Variants in ENTREP2 observed in about 807,000 individuals in gnomAD.
ENTREP2 encodes the protein protein ENTREP2.
chr15:29,455,599 C>A, the ENTREP2 span, among the ~76,000 whole-genome samples: 1 of 152,236 alleles, frequency 6.6e-6, no homozygotes, highest in Non-Finnish European at 1.5e-5. Flanking sequence ...GTTCTCCCTT[C>A]TCCATAAAAC....
chr15:29,218,370 T>C, the ENTREP2 span, among the ~76,000 whole-genome samples: 1 of 152,122 alleles, frequency 6.6e-6, no homozygotes, highest in Admixed American at 6.6e-5. Flanking sequence ...GAATCAATAT[T>C]GTGAAAACGA....
chr15:29,263,670 A>G, the ENTREP2 span, among the ~76,000 whole-genome samples: 1 of 152,238 alleles, frequency 6.6e-6, no homozygotes, highest in African/African-American at 2.4e-5. Context: ...GTAATCTCAT[A>G]GTCTTCAGTG....
At chr15:29,649,500 C>A in the ENTREP2 span, among the ~76,000 whole-genome samples, 2 of 152,030 alleles carry the variant, frequency 1.3e-5, no homozygotes, top group Admixed American at 1.3e-4. Context: ...GTGGGTAGAT[C>A]ACCTGAGGTC....
At chr15:29,168,779 C>G in the ENTREP2 span, among the ~76,000 whole-genome samples, 2 of 152,186 alleles carry the variant, frequency 1.3e-5, no homozygotes, top group Admixed American at 1.3e-4. Context: ...GATTGCTCCC[C>G]ACATGGTGCC....
At chr15:29,600,127 T>C in the ENTREP2 span, among the ~76,000 whole-genome samples, 3 of 152,214 alleles carry the variant, frequency 2.0e-5, no homozygotes, top group African/African-American at 7.2e-5. Flanking sequence ...ATTCAGTTTG[T>C]TGAGCCAAAT....
the ENTREP2 span, among the ~76,000 whole-genome samples, chr15:29,207,357 A>T: frequency 0.39 from 58,036 of 149,726 alleles, 11,447 homozygotes; most frequent in East Asian, 0.58. Context: ...TAAAGATTGC[A>T]CGAACCCAAA....
the ENTREP2 span, among the ~76,000 whole-genome samples, chr15:29,206,107 GTGGCT>G: frequency 2.0e-5 from 3 of 152,166 alleles, no homozygotes; most frequent in East Asian, 5.8e-4. Context: ...CACAGACGGG[GTGGCT>G]TATAAACAGT....
the ENTREP2 span, among the ~76,000 whole-genome samples, chr15:29,305,472 G>T: frequency 5.7e-3 from 866 of 152,308 alleles, 23 homozygotes; most frequent in Admixed American, 0.04. Flanking sequence ...AGATTAAAGT[G>T]GTTCAGACCA....
the ENTREP2 span, among the ~76,000 whole-genome samples, chr15:29,352,674 C>G: frequency 1.5e-4 from 23 of 152,250 alleles, no homozygotes; most frequent in African/African-American, 5.5e-4. Context: ...ATCCCCACAC[C>G]CTGGCTGCCG....
chr15:29,489,436 G>T, the ENTREP2 span, among the ~76,000 whole-genome samples: 3 of 152,142 alleles, frequency 2.0e-5, no homozygotes, highest in Non-Finnish European at 2.9e-5. Context: ...ATGGTGGGGT[G>T]ATCTTTATCA....
the ENTREP2 span, among the ~76,000 whole-genome samples, chr15:29,295,785 G>A: frequency 6.6e-6 from 1 of 152,144 alleles, no homozygotes; most frequent in South Asian, 2.1e-4. Flanking sequence ...GCTGGACAAA[G>A]GGATGAAGAA....
the ENTREP2 span, among the ~76,000 whole-genome samples, chr15:29,635,397 A>G: frequency 5.9e-5 from 9 of 152,126 alleles, no homozygotes; most frequent in Non-Finnish European, 1.2e-4. Context: ...ACAATATCAC[A>G]GGGGCCATGC....
At chr15:29,281,028 T>C in the ENTREP2 span, among the ~76,000 whole-genome samples, 1 of 152,198 alleles carries the variant, frequency 6.6e-6, no homozygotes, top group Non-Finnish European at 1.5e-5. Flanking sequence ...TTTATCATTA[T>C]CCAAGTGGTT....
the ENTREP2 span, among the ~76,000 whole-genome samples, chr15:29,308,518 G>A: frequency 6.6e-6 from 1 of 152,350 alleles, no homozygotes; most frequent in African/African-American, 2.4e-5. Context: ...CTGCCCCTGA[G>A]TCAGCTGCCT....
chr15:29,137,713 G>A, the ENTREP2 span, among the ~76,000 whole-genome samples: 1 of 152,174 alleles, frequency 6.6e-6, no homozygotes, highest in Admixed American at 6.5e-5. Context: ...GTGCATGCCT[G>A]TAATCCCAGC....
At chr15:29,313,770 T>C in the ENTREP2 span, among the ~76,000 whole-genome samples, 2 of 152,178 alleles carry the variant, frequency 1.3e-5, no homozygotes, top group Admixed American at 6.5e-5. Flanking sequence ...ATTTAAGAAA[T>C]GCATTTCACA....
the ENTREP2 span, among the ~76,000 whole-genome samples, chr15:29,328,806 T>G: frequency 6.6e-6 from 1 of 152,190 alleles, no homozygotes; most frequent in Admixed American, 6.5e-5. Flanking sequence ...CACTATGAAC[T>G]CATGTTTAGC....
At chr15:29,178,375 A>G in the ENTREP2 span, among the ~76,000 whole-genome samples, 1 of 152,096 alleles carries the variant, frequency 6.6e-6, no homozygotes, top group African/African-American at 2.4e-5. Flanking sequence ...AGACAGAACT[A>G]AAGAATATTT....
the ENTREP2 span, among the ~76,000 whole-genome samples, chr15:29,491,360 C>T: frequency 6.6e-6 from 1 of 152,204 alleles, no homozygotes; most frequent in Non-Finnish European, 1.5e-5. Context: ...CAAGCGTGGC[C>T]AAAGCAGACA....
Sources: allele counts gnomAD v4.1 joint callset (sites outside exome capture counted in the v4.1 genomes callset), GRCh38; gene constraint gnomAD v4.1.1; transcripts MANE v1.5; gene names NCBI Gene and HGNC (gene_info 2026-07-23, HGNC 2026-07-21).